KCNIP4: variants seen among roughly 807,000 people sequenced by gnomAD.
KCNIP4 encodes the protein Kv channel-interacting protein 4.
A neutral mutation model predicts 34.0 loss-of-function variants in KCNIP4; 12 were observed. The ratio of observed to expected loss-of-function variants is 0.35; its 90% confidence interval spans 0.23 to 0.57. The LOEUF (loss-of-function observed/expected upper bound fraction) is 0.57, where lower values mean the gene tolerates loss of function less well. Ranked by LOEUF, KCNIP4 falls within the 20% of genes least tolerant of loss-of-function variation. The probability of loss-of-function intolerance (pLI) is 0.83; values close to 1 mark genes in which losing one functional copy is unlikely to be tolerated. For missense variants in KCNIP4, 238 were observed against 311.7 expected (o/e 0.76, Z 1.78); for synonymous variants, 124 against 102.2 (o/e 1.21, Z -1.29).
At chr4:21,327,508 T>C (rs1166553190) in intron 1 of KCNIP4, among the ~76,000 whole-genome samples, 1 of 152,170 alleles carries the variant, frequency 6.6e-6, no homozygotes, top group African/African-American at 2.4e-5. Flanking sequence ...GTTTGATTAT[T>C]AAATGTTTTG....
At chr4:21,125,206 A>ATTTTATTTTG (rs1207440953) in intron 1 of KCNIP4, among the ~76,000 whole-genome samples, 1 of 139,738 alleles carries the variant, frequency 7.2e-6, no homozygotes, top group Non-Finnish European at 1.6e-5. Flanking sequence ...ATTTTATTTT[A>ATTTTATTTTG]TTTTATTTTA....
At chr4:21,056,334 T>A (rs1187204912) in intron 1 of KCNIP4, among the ~76,000 whole-genome samples, 1 of 152,168 alleles carries the variant, frequency 6.6e-6, no homozygotes, top group Non-Finnish European at 1.5e-5. Context: ...TACAATTCGT[T>A]CTCTTGACTG....
chr4:20,729,938 A>C lies in KCNIP4; in HGVS notation c.*144T>G, dbSNP rs1747538536. The C allele has an allele frequency of 3.3e-6, 3 of 900,026 alleles. No homozygotes were observed. Among genetic ancestry groups the C allele is most frequent in the African/African-American group, 3.4e-5 (2 of 58,048 alleles). 55.8% of individuals were successfully genotyped at this position (900,026 alleles called of 1,614,324 possible). A position where few individuals can be genotyped will look rare whatever the true frequency, so the allele number is the denominator to read the frequency against. ...AACTGAAAGCTCAAATCTTTTGGGGATTGCTTTATATTAAAACAAAGCTTG... is the reference window on the plus strand; with the variant it reads ...AACTGAAAGCTCAAATCTTTTGGGGCTTGCTTTATATTAAAACAAAGCTTG... On this transcript the variant is annotated 3_prime_UTR_variant, in exon 9 of 9. Transcript: ENST00000382152.
intron 1 of KCNIP4, among the ~76,000 whole-genome samples, chr4:21,030,573 G>A (rs1238071563): frequency 6.6e-6 from 1 of 152,122 alleles, no homozygotes; most frequent in Non-Finnish European, 1.5e-5. Flanking sequence ...GATCTAAGGT[G>A]TTTAACAAAC....
rs1453647237 is a variant in KCNIP4, at chr4:21,060,988, G to T, written c.62-178279C>A. Among the ~76,000 whole-genome samples, 3 of 152,246 alleles carry T rather than the reference G, an allele frequency of 2.0e-5. No homozygotes were observed. In the East Asian group the frequency reaches 5.8e-4, roughly 29 times the overall value. ...TGACAAATTGGGTCCAAGATAACGA[G>T]CCTGTTAAAAGATATGCACGTCTTT... On this transcript the variant is annotated intron_variant, in intron 1 of 8. Coordinates refer to ENST00000382152, the MANE Select transcript of KCNIP4 (RefSeq NM_025221.6).
rs1163094743 is a variant in KCNIP4, at chr4:21,178,480, TCA to T, written c.62-295773_62-295772del. On this transcript the variant is annotated intron_variant, in intron 1 of 8. Transcript: ENST00000382152. Reference sequence around the variant, plus strand: ...CATGAAGGTAGTGGATTCACAGACCTCAGTTTATTTCCAGGTATAGTAACCAT... The same window carrying T: ...CATGAAGGTAGTGGATTCACAGACCTGTTTATTTCCAGGTATAGTAACCAT... Among the ~76,000 whole-genome samples the T allele has an allele frequency of 7.5e-3, 1,142 of 151,508 alleles. 32 individuals carry two copies. The highest frequency in any genetic ancestry group is 0.026 in the African/African-American group (1,044 of 40,832).
intron 1 of KCNIP4, among the ~76,000 whole-genome samples, chr4:21,765,819 GAA>G (rs374486594): frequency 0.094 from 8,859 of 94,528 alleles, 237 homozygotes; most frequent in Middle Eastern, 0.24. Flanking sequence ...ACCAGGCCGT[GAA>G]AAAAAAAAAA....
At chr4:21,113,266 C>A (rs2109109915) in intron 1 of KCNIP4, among the ~76,000 whole-genome samples, 1 of 152,188 alleles carries the variant, frequency 6.6e-6, no homozygotes, top group Non-Finnish European at 1.5e-5. Context: ...AAGAAAATCT[C>A]ATCAAATTGG....
chr4:21,377,792 C>T (rs991816043), intron 1 of KCNIP4, among the ~76,000 whole-genome samples: 5 of 152,174 alleles, frequency 3.3e-5, no homozygotes, highest in Non-Finnish European at 7.3e-5. Flanking sequence ...ATTATAGTTC[C>T]TCTGGTCCTA....
chr4:21,808,611 G>C (rs1721440845), intron 1 of KCNIP4, among the ~76,000 whole-genome samples: 1 of 152,082 alleles, frequency 6.6e-6, no homozygotes, highest in South Asian at 2.1e-4. Context: ...ACTTATATAT[G>C]GATTTTTGCC....
chr4:21,911,620 ACAC>A (rs2108983091), intron 1 of KCNIP4, among the ~76,000 whole-genome samples: 1 of 67,732 alleles, frequency 1.5e-5, no homozygotes, highest in East Asian at 2.5e-4. Flanking sequence ...ACACACACAC[ACAC>A]ACACACACAC....
At chr4:21,680,991 C>T (rs1056757422) in intron 1 of KCNIP4, among the ~76,000 whole-genome samples, 1 of 152,190 alleles carries the variant, frequency 6.6e-6, no homozygotes, top group East Asian at 1.9e-4. Context: ...TCAGTCTCCC[C>T]TTTGAAGCTT....
At chr4:21,198,012 G>T (rs7692315) in intron 1 of KCNIP4, among the ~76,000 whole-genome samples, 14,540 of 152,120 alleles carry the variant, frequency 0.096, 2,232 homozygotes, top group African/African-American at 0.33. Context: ...ATTTTAAAAA[G>T]AAGTGTTAAC....
chr4:21,275,802 GCTTTGC>G (rs1411645603), intron 1 of KCNIP4, among the ~76,000 whole-genome samples: 1 of 152,098 alleles, frequency 6.6e-6, no homozygotes, highest in Admixed American at 6.5e-5. Context: ...AATTGCGGAG[GCTTTGC>G]CTTCATGCAT....
At chr4:21,782,716 A>T (rs1719646025) in intron 1 of KCNIP4, among the ~76,000 whole-genome samples, 1 of 152,184 alleles carries the variant, frequency 6.6e-6, no homozygotes, top group South Asian at 2.1e-4. Flanking sequence ...AAACTTGTAC[A>T]CAATTGCTTA....
intron 3 of KCNIP4, among the ~76,000 whole-genome samples, chr4:20,815,945 C>T (rs986514304): frequency 3.3e-5 from 5 of 152,118 alleles, no homozygotes; most frequent in African/African-American, 1.2e-4. Context: ...GTCCAGTGAA[C>T]ACTCTTAGAA....
At chr4:21,465,223 T>A (rs796844025) in intron 1 of KCNIP4, among the ~76,000 whole-genome samples, 1 of 152,160 alleles carries the variant, frequency 6.6e-6, no homozygotes, top group Non-Finnish European at 1.5e-5. Context: ...AGAGTACTTA[T>A]AGTAAACATA....
At chr4:21,257,787 C>G (rs1173317028) in intron 1 of KCNIP4, among the ~76,000 whole-genome samples, 1 of 151,320 alleles carries the variant, frequency 6.6e-6, no homozygotes, top group Admixed American at 6.6e-5. Context: ...AAAGAAACAC[C>G]AGGAGATGAG....
chr4:21,555,036 C>G (rs538816932), intron 1 of KCNIP4, among the ~76,000 whole-genome samples: 3 of 152,122 alleles, frequency 2.0e-5, no homozygotes, highest in Non-Finnish European at 4.4e-5. Flanking sequence ...ATTACATTAG[C>G]ATCAGGACAC....
Sources: allele counts gnomAD v4.1 joint callset (sites outside exome capture counted in the v4.1 genomes callset), GRCh38; gene constraint gnomAD v4.1.1; transcripts MANE v1.5; gene names NCBI Gene and HGNC (gene_info 2026-07-23, HGNC 2026-07-21).